Variants in RASAL2 observed in about 807,000 individuals in gnomAD.
RASAL2 encodes ras GTPase-activating protein nGAP.
RASAL2 carries 58 observed loss-of-function variants against 128.9 expected under a neutral mutation model. That is an observed-to-expected ratio of 0.45 (90% CI 0.36 to 0.56). The LOEUF (loss-of-function observed/expected upper bound fraction) is 0.56, where lower values mean the gene tolerates loss of function less well. Ranked by LOEUF, RASAL2 falls within the 20% of genes least tolerant of loss-of-function variation. RASAL2 has a pLI of 0.00. For synonymous variants in RASAL2, 561 were observed against 580.8 expected (o/e 0.97, Z 0.49); for missense variants, 1,360 against 1,601.6 (o/e 0.85, Z 2.57).
At position 178,162,308 on chromosome 1, in the gene RASAL2, T is replaced by TATAA. The variant is rs1452532619; in HGVS notation, c.202+67615_202+67616insTAAA. On this transcript the variant is annotated intron_variant, in intron 1 of 17. Coordinates refer to ENST00000367649, the MANE Select transcript of RASAL2 (RefSeq NM_170692.4). ...ATTTCTTTATATATATATATATATA[T>TATAA]AATGTATTATATATTATATTTATAA... Among the ~76,000 whole-genome samples, 370 of 129,166 alleles carry TATAA rather than the reference T, an allele frequency of 2.9e-3. 1 individual carries two copies. The highest frequency in any genetic ancestry group is 4.8e-3 in the Non-Finnish European group (303 of 63,532). The allele number at this position is 129,166 out of a possible 152,430, so 84.7% of individuals were successfully genotyped here. A position where few individuals can be genotyped will look rare whatever the true frequency, so the allele number is the denominator to read the frequency against.
chr1:178,303,873 C>T (rs929237586), intron 3 of RASAL2, among the ~76,000 whole-genome samples: 2 of 152,056 alleles, frequency 1.3e-5, no homozygotes, highest in African/African-American at 4.8e-5. Flanking sequence ...CCGTTTATAT[C>T]AAGTTCCAAA....
chr1:178,182,526 A>G (rs1662150036), intron 1 of RASAL2, among the ~76,000 whole-genome samples: 1 of 152,184 alleles, frequency 6.6e-6, no homozygotes. Flanking sequence ...ACATATTGAT[A>G]AGCATTTCTG....
At chr1:178,125,275 GA>G (rs1659854916) in intron 1 of RASAL2, 1 of 152,106 alleles carries the variant, frequency 6.6e-6, no homozygotes, top group African/African-American at 2.4e-5. Context: ...TAGTTGCTGA[GA>G]ATATATTTTA....
chr1:178,415,622 T>C (rs1200869467), intron 4 of RASAL2, among the ~76,000 whole-genome samples: 1 of 152,158 alleles, frequency 6.6e-6, no homozygotes, highest in Non-Finnish European at 1.5e-5. Flanking sequence ...ATGTCCTCAC[T>C]GATTTTCTGC....
rs1303608798 is a variant in RASAL2, at chr1:178,311,461, C to T, written c.457+11343C>T. ...GTGGTAGCAGATCCCCAGGTCTCCT[C>T]CTCTTCCCCATTCCACTGAACAACT... On this transcript the variant is annotated intron_variant, in intron 3 of 17. Coordinates refer to ENST00000367649, the MANE Select transcript of RASAL2 (RefSeq NM_170692.4). Among the ~76,000 whole-genome samples, 4 of 152,196 alleles carry T rather than the reference C, an allele frequency of 2.6e-5. No individual in the cohort carries two copies. In the East Asian group the frequency reaches 7.7e-4, roughly 29 times the overall value.
At chr1:178,285,518 A>G (rs1666987254) in intron 2 of RASAL2, among the ~76,000 whole-genome samples, 1 of 152,118 alleles carries the variant, frequency 6.6e-6, no homozygotes, top group African/African-American at 2.4e-5. Flanking sequence ...TTTTGTTATC[A>G]TCTCCCTACC....
At chr1:178,372,103 C>T in intron 3 of RASAL2, 1 of 914,398 alleles carries the variant, frequency 1.1e-6, no homozygotes, top group Non-Finnish European at 1.3e-6. Flanking sequence ...GAGGGAGGAT[C>T]ACATTTTCTC....
rs775822443 is a variant in RASAL2, at chr1:178,456,598, C to T, written c.2212-123C>T. ...ATTATGAACCTGCCACTCCCATATG[C>T]AAACACTTACCCTTCCCTCCAACCT... On this transcript the variant is annotated intron_variant, in intron 12 of 17. Coordinates refer to ENST00000367649, the MANE Select transcript of RASAL2 (RefSeq NM_170692.4). The T allele has an allele frequency of 1.2e-3, 1,204 of 1,031,604 alleles. 4 individuals are homozygous for T. The highest frequency in any genetic ancestry group is 1.7e-3 in the Non-Finnish European group (1,107 of 662,548). The allele number at this position is 1,031,604 out of a possible 1,614,324, so 63.9% of individuals were successfully genotyped here.
intron 1 of RASAL2, among the ~76,000 whole-genome samples, chr1:178,147,145 G>C (rs1469231864): frequency 6.6e-6 from 1 of 152,076 alleles, no homozygotes; most frequent in Non-Finnish European, 1.5e-5. Context: ...ATATTTAGAG[G>C]ATTGAATATT....
intron 1 of RASAL2, among the ~76,000 whole-genome samples, chr1:178,174,523 A>G (rs1466967398): frequency 6.6e-6 from 1 of 152,164 alleles, no homozygotes; most frequent in Non-Finnish European, 1.5e-5. Flanking sequence ...ATCCTGTGGA[A>G]GAAGAAGAGT....
chr1:178,366,595 CA>C (rs1553221498), intron 3 of RASAL2, among the ~76,000 whole-genome samples: 1 of 109,272 alleles, frequency 9.2e-6, no homozygotes, highest in African/African-American at 3.6e-5. Context: ...CCCCCCCCGC[CA>C]AAAAAAAACA....
chr1:178,191,285 T>TA (rs1662484449), intron 1 of RASAL2, among the ~76,000 whole-genome samples: 1 of 151,946 alleles, frequency 6.6e-6, no homozygotes, highest in African/African-American at 2.4e-5. Context: ...TATGTGCTTT[T>TA]AAAAAATTTC....
chr1:178,404,782 A>G (rs1394496951), intron 4 of RASAL2, among the ~76,000 whole-genome samples: 1 of 151,054 alleles, frequency 6.6e-6, no homozygotes, highest in Admixed American at 6.6e-5. Context: ...CCCGGGTTCA[A>G]AGGATCTTCC....
chr1:178,225,838 T>G (rs949280921), intron 1 of RASAL2, among the ~76,000 whole-genome samples: 3 of 152,054 alleles, frequency 2.0e-5, no homozygotes, highest in African/African-American at 7.2e-5. Context: ...GATTGTTGAA[T>G]TTTTTATTGT....
chr1:178,366,842 A>G (rs1671431208), intron 3 of RASAL2, among the ~76,000 whole-genome samples: 1 of 152,200 alleles, frequency 6.6e-6, no homozygotes, highest in African/African-American at 2.4e-5. Context: ...ATATGATTTC[A>G]GTTGTATAAA....
chr1:178,163,408 G>C (rs756542125), intron 1 of RASAL2, among the ~76,000 whole-genome samples: 2 of 152,092 alleles, frequency 1.3e-5, no homozygotes, highest in African/African-American at 4.8e-5. Flanking sequence ...TTGTGCTTAT[G>C]TTTTCTTCTA....
intron 4 of RASAL2, among the ~76,000 whole-genome samples, chr1:178,390,757 A>G (rs1672855663): frequency 1.3e-5 from 2 of 152,216 alleles, no homozygotes; most frequent in African/African-American, 4.8e-5. Context: ...CAAAATATGT[A>G]ACTACATTAA....
intron 4 of RASAL2, chr1:178,412,052 C>T: frequency 2.8e-6 from 1 of 358,302 alleles, no homozygotes; most frequent in Non-Finnish European, 5.2e-6. Flanking sequence ...AAATAAATTG[C>T]CATCATGTGA....
At chr1:178,248,024 G>A (rs572694988) in intron 1 of RASAL2, among the ~76,000 whole-genome samples, 1 of 152,206 alleles carries the variant, frequency 6.6e-6, no homozygotes, top group Non-Finnish European at 1.5e-5. Context: ...GCTGTGTAGT[G>A]CTGAGAAGAA....
Sources: gnomAD v4.1 joint callset for allele counts (sites outside exome capture counted in the v4.1 genomes callset) on GRCh38, gnomAD v4.1.1 for gene constraint, MANE v1.5 for transcripts, NCBI Gene and HGNC (gene_info 2026-07-23, HGNC 2026-07-21) for gene names.